OARD1: variants seen among roughly 807,000 people sequenced by gnomAD.
OARD1 encodes the protein O-acyl-ADP-ribose deacylase 1, also known as ADP-ribose glycohydrolase OARD1.
A neutral mutation model predicts 19.7 loss-of-function variants in OARD1; 19 were observed. The ratio of observed to expected loss-of-function variants is 0.96; its 90% confidence interval spans 0.67 to 1.41. The LOEUF is 1.41. OARD1 is among the 40% of genes most tolerant of loss of function. The pLI is 0.00. For missense variants in OARD1, 190 were observed against 183.8 expected (o/e 1.03, Z -0.20); for synonymous variants, 70 against 61.8 (o/e 1.13, Z -0.62).
In OARD1 at chr6:41,094,200, C is replaced by T. The variant is rs41273752; in HGVS notation, c.-42+3513G>A. On this transcript the variant is annotated intron_variant, in intron 1 of 4. Coordinates refer to the OARD1 transcript ENST00000480585. ...CATACTATAAGCATTCACAGTCTTA[C>T]AGTAGTTATATATGGTTAGCTATAT... Among the ~76,000 whole-genome samples the T allele has an allele frequency of 8.5e-3, 1,292 of 152,220 alleles. 7 individuals are homozygous for T. Among genetic ancestry groups the T allele is most frequent in the Non-Finnish European group, 0.014 (940 of 68,008 alleles).
intron 1 of OARD1, chr6:41,090,403 A>G (rs1172291213): frequency 4.5e-6 from 3 of 665,400 alleles, no homozygotes; most frequent in Non-Finnish European, 5.4e-6. Context: ...GGTGAACTTG[A>G]CACTACATAT....
intron 1 of OARD1, chr6:41,090,122 A>AT: frequency 3.1e-6 from 3 of 968,436 alleles, no homozygotes; most frequent in East Asian, 2.5e-5. Flanking sequence ...TCAAAAAAAT[A>AT]ATTTTTTTTT....
chr6:41,093,156 A>C (rs900295552), intron 1 of OARD1: 1 of 1,404,166 alleles, frequency 7.1e-7, no homozygotes, highest in Admixed American at 2.0e-5. Flanking sequence ...TATCTTTTAT[A>C]TGGCTTGTTT....
rs1762965377 is a variant in OARD1, at chr6:41,065,390, CAACTT to C, written c.*1940_*1944del. On this transcript the variant is annotated 3_prime_UTR_variant, in exon 6 of 6. Transcript: ENST00000424266. ...ATTCAGTACACCCTTCAACTGAACTCAACTTAAGATGGGGTTACCCAGACATAGAC... is the reference window on the plus strand; with the variant it reads ...ATTCAGTACACCCTTCAACTGAACTCAAGATGGGGTTACCCAGACATAGAC... 6.6e-6 allele frequency: 1 copy of C among 152,214 alleles called. No homozygotes were observed. Among genetic ancestry groups the C allele is most frequent in the African/African-American group, 2.4e-5 (1 of 41,448 alleles). The allele number at this position is 152,214 out of a possible 1,614,324, so 9.4% of individuals were successfully genotyped here.
chr6:41,071,318 C>T (rs533059063), intron 2 of OARD1, 42 bp from the exon 3 acceptor site: 25 of 1,569,370 alleles, frequency 1.6e-5, no homozygotes, highest in Middle Eastern at 1.7e-4. Context: ...TTATTAGATA[C>T]AGTAAAATAC....
chr6:41,078,734 G>A (rs111463876), intron 1 of OARD1, among the ~76,000 whole-genome samples: 3 of 152,170 alleles, frequency 2.0e-5, no homozygotes, highest in African/African-American at 7.2e-5. Flanking sequence ...GGTATGCCTT[G>A]TATCAAAGTG....
chr6:41,097,402 G>C lies in OARD1; in HGVS notation c.-42+311C>G, dbSNP rs1364060933. Reference sequence around the variant, plus strand: ...AGAAGCAATGACACAGATCATCCGAGTGTCCTAACCCCACGCCATGTGATG... The same window carrying C: ...AGAAGCAATGACACAGATCATCCGACTGTCCTAACCCCACGCCATGTGATG... On this transcript the variant is annotated intron_variant, in intron 1 of 4. Transcript: ENST00000480585. The C allele has an allele frequency of 1.2e-6, 2 of 1,613,828 alleles. No homozygotes were observed. Among genetic ancestry groups the C allele is most frequent in the Non-Finnish European group, 1.7e-6 (2 of 1,179,902 alleles).
At chr6:41,081,371 T>C (rs1012794182) in intron 1 of OARD1, among the ~76,000 whole-genome samples, 3 of 151,918 alleles carry the variant, frequency 2.0e-5, no homozygotes, top group African/African-American at 4.8e-5. Flanking sequence ...GCACCTGTAG[T>C]CCCAGCTACT....
At chr6:41,091,779 T>C (rs1764202059) in intron 1 of OARD1, 1 of 1,481,458 alleles carries the variant, frequency 6.8e-7, no homozygotes, top group African/African-American at 1.4e-5. Context: ...TATGTTGACC[T>C]CTTGGGATTG....
intron 1 of OARD1, 143 bp downstream of exon 1, chr6:41,072,091 CAG>C (rs1763463488): frequency 1.1e-5 from 2 of 180,312 alleles, no homozygotes; most frequent in Non-Finnish European, 2.4e-5. Context: ...GCCGCAACCA[CAG>C]AGTGTACAGG....
upstream of OARD1, chr6:41,073,037 G>C (rs1208535421): frequency 6.5e-6 from 1 of 154,728 alleles, no homozygotes; most frequent in Non-Finnish European, 1.4e-5. Flanking sequence ...TCGGAGTCCG[G>C]TACTGGAGCC....
Position 41,066,163 on chromosome 6 carries a change from G to C in OARD1, c.*1172C>G, listed in dbSNP as rs1763000422. On this transcript the variant is annotated 3_prime_UTR_variant, in exon 6 of 6. Transcript: ENST00000424266. ...TTTAATTGAGATAGGGTCTTGCTCT[G>C]TTGCCCACACTGGAGTGCAGTGGCA... 1 of 151,958 alleles carries C rather than the reference G, an allele frequency of 6.6e-6. No individual in the cohort carries two copies. Among genetic ancestry groups the C allele is most frequent in the Non-Finnish European group, 1.5e-5 (1 of 68,046 alleles). The allele number at this position is 151,958 out of a possible 1,614,324, so 9.4% of individuals were successfully genotyped here.
chr6:41,095,857 C>G (rs186661107), intron 1 of OARD1, among the ~76,000 whole-genome samples: 3 of 152,260 alleles, frequency 2.0e-5, no homozygotes, highest in Admixed American at 2.0e-4. Flanking sequence ...GGACTTAATT[C>G]TATTTAAGTA....
At chr6:41,073,989 T>C (rs1484708476), upstream of OARD1, among the ~76,000 whole-genome samples, 3 of 151,560 alleles carry the variant, frequency 2.0e-5, no homozygotes, top group African/African-American at 7.3e-5. Flanking sequence ...TCTTAGAAGA[T>C]TGATACCCTT....
chr6:41,094,072 A>G (rs1037157934), intron 1 of OARD1, among the ~76,000 whole-genome samples: 2 of 152,214 alleles, frequency 1.3e-5, no homozygotes, highest in African/African-American at 4.8e-5. Context: ...TTTTTACTGA[A>G]CACTCATTTG....
rs1388695739 is a variant in OARD1 at position 41,071,409 on chromosome 6, C to CA, written c.40-134dup. On this transcript the variant is annotated intron_variant, in intron 2 of 5. Transcript: ENST00000424266. Reference sequence around the variant, plus strand: ...CCTCCAATCTGATTTAAAGCCAAACCAATTACAGCATGTGTAAAAGGAAAG... The same window carrying CA: ...CCTCCAATCTGATTTAAAGCCAAACCAAATTACAGCATGTGTAAAAGGAAAG... 5.8e-6 allele frequency: 6 copies of CA among 1,030,202 alleles called. No individual in the cohort carries two copies. In the East Asian group the frequency reaches 1.5e-4, roughly 26 times the overall value. 63.8% of individuals were successfully genotyped at this position (1,030,202 alleles called of 1,614,324 possible).
At chr6:41,096,703 T>C (rs1764365737) in intron 1 of OARD1, among the ~76,000 whole-genome samples, 2 of 152,206 alleles carry the variant, frequency 1.3e-5, no homozygotes, top group South Asian at 4.1e-4. Flanking sequence ...TTGCGGAGTG[T>C]TGCAAAAAGC....
At chr6:41,078,661 G>A (rs901403973) in intron 1 of OARD1, among the ~76,000 whole-genome samples, 6 of 152,162 alleles carry the variant, frequency 3.9e-5, no homozygotes, top group Non-Finnish European at 8.8e-5. Flanking sequence ...AAGCAATTAC[G>A]TGTTACAACT....
rs1330841214 is a variant in OARD1 at position 41,071,206 on chromosome 6, T to A, written c.110A>T (p.Asp37Val). ...AGCTATCCCAGCGCCCATGCGACAA[T>A]CCTCACTGATACAGTGGGCTAAAGA... ...TDSLAHCISE[D>V]CRMGAGIAVL... Residue 37 changes from aspartate to valine, a missense_variant, in exon 3 of 6, where the codon GAT becomes GTT. Coordinates refer to ENST00000424266, the MANE Select transcript of OARD1 (RefSeq NM_001329686.2). 3 of 1,614,126 alleles carry A rather than the reference T, an allele frequency of 1.9e-6. No individual in the cohort carries two copies. Among genetic ancestry groups the A allele is most frequent in the Non-Finnish European group, 1.7e-6 (2 of 1,179,952 alleles).
Sources: gnomAD v4.1 joint callset for allele counts (sites outside exome capture counted in the v4.1 genomes callset) on GRCh38, gnomAD v4.1.1 for gene constraint, MANE v1.5 for transcripts, NCBI Gene and HGNC (gene_info 2026-07-23, HGNC 2026-07-21) for gene names.